UTRN: variants seen among roughly 807,000 people sequenced by gnomAD.
UTRN encodes the protein utrophin.
A neutral mutation model predicts 463.9 loss-of-function variants in UTRN; 283 were observed. The observed-to-expected ratio is 0.61, with a 90% CI of 0.55 to 0.67. The LOEUF (loss-of-function observed/expected upper bound fraction) is 0.67, where lower values mean the gene tolerates loss of function less well. Ranked by LOEUF, UTRN falls within the 30% of genes least tolerant of loss-of-function variation. UTRN has a pLI of 0.00. For synonymous variants in UTRN, 1,442 were observed against 1,431.5 expected (o/e 1.01, Z -0.17); for missense variants, 3,922 against 4,084.3 (o/e 0.96, Z 1.08).
In UTRN at chr6:144,607,403, A is replaced by G. The variant is rs528644665; in HGVS notation, c.7479+30115A>G. Among the ~76,000 whole-genome samples, 16 of 152,280 alleles carry G rather than the reference A, an allele frequency of 1.1e-4. No individual in the cohort carries two copies. In the East Asian group the frequency reaches 2.9e-3, roughly 28 times the overall value. ...CTGCTATTTAACTTTGTTCATCTCA[A>G]TATTCTCTAAACATCTTCTCATGTC... On this transcript the variant is annotated intron_variant, in intron 51 of 74. Transcript: ENST00000367545.
intron 50 of UTRN, among the ~76,000 whole-genome samples, chr6:144,561,256 T>TACACACACAC (rs1455730140): frequency 1.3e-5 from 1 of 75,654 alleles, no homozygotes; most frequent in East Asian, 3.1e-4. Context: ...TATATATATA[T>TACACACACAC]ATATACATAC....
intron 26 of UTRN, 131 bp downstream of exon 26, chr6:144,480,113 A>C (rs1791692710): frequency 9.0e-7 from 1 of 1,113,368 alleles, no homozygotes; most frequent in African/African-American, 1.6e-5. Context: ...TTTTTGAATT[A>C]AAAAAACATA....
At chr6:144,601,715 G>A (rs1804271709) in intron 51 of UTRN, among the ~76,000 whole-genome samples, 1 of 152,168 alleles carries the variant, frequency 6.6e-6, no homozygotes, top group Non-Finnish European at 1.5e-5. Context: ...GGCTTGAGAA[G>A]AACAAATCCA....
intron 3 of UTRN, 40 bp downstream of exon 3, chr6:144,403,224 G>T (rs373451637): frequency 1.3e-6 from 2 of 1,572,232 alleles, no homozygotes; most frequent in Non-Finnish European, 1.7e-6. Context: ...TTCAGATGCC[G>T]CATTCTGATT....
At chr6:144,827,139 AG>A (rs1780252881) in intron 66 of UTRN, among the ~76,000 whole-genome samples, 1 of 152,146 alleles carries the variant, frequency 6.6e-6, no homozygotes, top group Non-Finnish European at 1.5e-5. Context: ...ATCTGTGAAA[AG>A]GCCCCTGCAG....
intron 51 of UTRN, among the ~76,000 whole-genome samples, chr6:144,600,145 C>A (rs1293960197): frequency 6.6e-6 from 1 of 152,196 alleles, no homozygotes; most frequent in Non-Finnish European, 1.5e-5. Context: ...TCACACTTTC[C>A]TTGGGCCTCC....
chr6:144,695,336 C>A (rs1274352262), intron 52 of UTRN, among the ~76,000 whole-genome samples: 5 of 151,546 alleles, frequency 3.3e-5, no homozygotes, highest in African/African-American at 1.2e-4. Context: ...TTTGGATAGC[C>A]ATGATTAAAC....
intron 2 of UTRN, among the ~76,000 whole-genome samples, chr6:144,316,089 G>T (rs1036389832): frequency 1.3e-5 from 2 of 152,084 alleles, no homozygotes; most frequent in African/African-American, 4.8e-5. Flanking sequence ...AGTGGCTCAC[G>T]TCTGTAACCC....
At chr6:144,318,116 G>C (rs1319330957) in intron 2 of UTRN, among the ~76,000 whole-genome samples, 2 of 151,902 alleles carry the variant, frequency 1.3e-5, no homozygotes, top group Non-Finnish European at 2.9e-5. Flanking sequence ...ACTGTTAAGA[G>C]CCTGTACAAT....
At chr6:144,719,441 G>T (rs1786859893) in intron 53 of UTRN, among the ~76,000 whole-genome samples, 1 of 152,132 alleles carries the variant, frequency 6.6e-6, no homozygotes, top group Non-Finnish European at 1.5e-5. Flanking sequence ...TCTGGGCGTG[G>T]TGACACCTGC....
chr6:144,632,200 T>C (rs938986123), intron 51 of UTRN, among the ~76,000 whole-genome samples: 2 of 152,228 alleles, frequency 1.3e-5, no homozygotes, highest in Non-Finnish European at 2.9e-5. Flanking sequence ...CACTAAGTTA[T>C]GAAAATGGAT....
chr6:144,817,925 T>G (rs1586697524), intron 65 of UTRN, among the ~76,000 whole-genome samples: 1 of 152,210 alleles, frequency 6.6e-6, no homozygotes, highest in African/African-American at 2.4e-5. Context: ...CAATAACTAC[T>G]ATAACTTTTG....
chr6:144,307,063 GAAA>G (rs370017840), intron 2 of UTRN, among the ~76,000 whole-genome samples: 84 of 141,372 alleles, frequency 5.9e-4, no homozygotes, highest in Middle Eastern at 3.6e-3. Context: ...TGACTCTGTT[GAAA>G]AAAAAAAAAA....
chr6:144,590,211 G>A lies in UTRN; in HGVS notation c.7479+12923G>A, dbSNP rs116713671. The stretch of plus-strand genomic sequence containing the variant: ...AATATATTCTTTTCAAAACTATTTC[G>A]ATGTTCGATGTTCAAGTATTGGCTA... On this transcript the variant is annotated intron_variant, in intron 51 of 74. Coordinates refer to ENST00000367545, the MANE Select transcript of UTRN (RefSeq NM_007124.3). 4.2e-3 allele frequency among the ~76,000 whole-genome samples: 645 copies of A among 152,148 alleles called. 5 individuals carry two copies. Among genetic ancestry groups the A allele is most frequent in the African/African-American group, 0.014 (599 of 41,504 alleles).
At chr6:144,416,586 C>A (rs1450989356) in intron 3 of UTRN, among the ~76,000 whole-genome samples, 2 of 152,220 alleles carry the variant, frequency 1.3e-5, no homozygotes, top group African/African-American at 4.8e-5. Flanking sequence ...AGTGTCCCAG[C>A]CGCAAGCATG....
At chr6:144,699,283 C>G (rs780123383) in intron 52 of UTRN, among the ~76,000 whole-genome samples, 1 of 151,854 alleles carries the variant, frequency 6.6e-6, no homozygotes. Flanking sequence ...ACTAAAAATA[C>G]GAAAATTAAC....
intron 54 of UTRN, among the ~76,000 whole-genome samples, chr6:144,738,093 A>G (rs1359541680): frequency 2.6e-5 from 4 of 152,324 alleles, no homozygotes; most frequent in Non-Finnish European, 4.4e-5. Flanking sequence ...TGCGTCTATG[A>G]CAATGACTTC....
In UTRN at chr6:144,462,663, G is replaced by A; in HGVS notation, c.2863G>A (p.Glu955Lys). The change falls in exon 23 of 75, where the codon GAA becomes AAA. Residue 955 changes from glutamate (E) to lysine (K), a missense_variant. Physicochemically the swap from Glu to Lys is moderately conservative, Grantham distance 56. Coordinates refer to ENST00000367545, the MANE Select transcript of UTRN (RefSeq NM_007124.3). ...KALQEKKTLD[E>K]ILENQKPALH... ...TTAAAACTTTTTCCAGACCCTTGATGAAATCCTTGAGAATCAGAAACCTGC... is the reference window on the plus strand; with the variant it reads ...TTAAAACTTTTTCCAGACCCTTGATAAAATCCTTGAGAATCAGAAACCTGC... 6.2e-7 allele frequency: 1 copy of A among 1,601,432 alleles called. No homozygotes were observed. Among genetic ancestry groups the A allele is most frequent in the East Asian group, 2.2e-5 (1 of 44,744 alleles).
intron 52 of UTRN, among the ~76,000 whole-genome samples, chr6:144,690,017 G>A (rs914029768): frequency 3.3e-5 from 5 of 150,598 alleles, no homozygotes; most frequent in African/African-American, 1.2e-4. Context: ...GTTACCCAGG[G>A]GAGGTACTCT....
Sources: allele counts gnomAD v4.1 joint callset (sites outside exome capture counted in the v4.1 genomes callset), GRCh38; gene constraint gnomAD v4.1.1; transcripts MANE v1.5; gene names NCBI Gene and HGNC (gene_info 2026-07-23, HGNC 2026-07-21).